Variants in TEAD4 observed in about 807,000 individuals in gnomAD.
The protein encoded by TEAD4 is transcriptional enhancer factor TEF-3.
In TEAD4, 36 loss-of-function variants were observed where a neutral mutation model predicts 52.4. That is an observed-to-expected ratio of 0.69 (90% CI 0.53 to 0.91). The LOEUF is 0.91. TEAD4 is among the 40% of genes least tolerant of loss of function. The probability of loss-of-function intolerance (pLI) is 0.00; values close to 1 mark genes in which losing one functional copy is unlikely to be tolerated. For missense variants in TEAD4, 508 were observed against 583.9 expected, an observed-to-expected ratio of 0.87 and a Z score of 1.34; for synonymous variants, 220 against 231.0, an observed-to-expected ratio of 0.95 and a Z score of 0.43.
At position 2,995,021 on chromosome 12, in the gene TEAD4, A is replaced by G. The variant is rs781717035; in HGVS notation, c.226+29A>G. 4.4e-6 allele frequency: 7 copies of G among 1,600,920 alleles called. No homozygotes were observed. In the African/African-American group the frequency reaches 9.4e-5, roughly 21 times the overall value. On this transcript the variant is annotated intron_variant, in intron 3 of 12. Transcript: ENST00000359864. ...AGGAGCCCGTCGGGTTCAGCCCTGT[A>G]CCTGAGGCTGAGGCAAGGGGCCGAC...
At chr12:2,974,372 G>A (rs2098227707) in intron 2 of TEAD4, among the ~76,000 whole-genome samples, 1 of 152,194 alleles carries the variant, frequency 6.6e-6, no homozygotes, top group South Asian at 2.1e-4. Context: ...AGGCAGGGTG[G>A]CTCTGGGACA....
At chr12:3,011,159 G>T in intron 4 of TEAD4, 91 bp downstream of exon 4, 1 of 1,386,552 alleles carries the variant, frequency 7.2e-7, no homozygotes, top group Non-Finnish European at 1.0e-6. Context: ...AGGACCAGAC[G>T]CAGGCTTTTG....
At chr12:2,979,658 C>T (rs575849612) in intron 2 of TEAD4, among the ~76,000 whole-genome samples, 1 of 152,292 alleles carries the variant, frequency 6.6e-6, no homozygotes, top group Admixed American at 6.5e-5. Context: ...TGTGACTATT[C>T]TGTGATTAAT....
At chr12:3,010,835 A>G (rs937384893) in intron 3 of TEAD4, among the ~76,000 whole-genome samples, 169 bp from the exon 4 acceptor site, 1 of 152,128 alleles carries the variant, frequency 6.6e-6, no homozygotes, top group Non-Finnish European at 1.5e-5. Flanking sequence ...CGCTGCTGGG[A>G]GATCCCTGTG....
rs143442216 is a variant in TEAD4 at position 2,964,718 on chromosome 12, C to T, written c.-30+4678C>T. ...AACTCCCAACCTCAGGTGATCCACC[C>T]GCCTCGGCCTCCCAGAGTGCTGGGA... On this transcript the variant is annotated intron_variant, in intron 2 of 12. Coordinates refer to ENST00000359864, the MANE Select transcript of TEAD4 (RefSeq NM_003213.4). Among the ~76,000 whole-genome samples, 742 of 151,838 alleles carry T rather than the reference C, an allele frequency of 4.9e-3. 6 individuals carry two copies. Among genetic ancestry groups the T allele is most frequent in the African/African-American group, 0.017 (691 of 41,392 alleles).
chr12:2,966,178 T>C (rs1451834740), intron 2 of TEAD4, among the ~76,000 whole-genome samples: 1 of 152,122 alleles, frequency 6.6e-6, no homozygotes, highest in African/African-American at 2.4e-5. Context: ...CTAATGATCT[T>C]CTTGGTACAA....
chr12:2,973,026 T>C (rs748572844), intron 2 of TEAD4, among the ~76,000 whole-genome samples: 1 of 152,194 alleles, frequency 6.6e-6, no homozygotes, highest in Non-Finnish European at 1.5e-5. Flanking sequence ...TGGCATCCCC[T>C]GGCCACGCTG....
intron 2 of TEAD4, among the ~76,000 whole-genome samples, chr12:2,967,587 A>G (rs997493357): frequency 1.2e-4 from 18 of 152,284 alleles, no homozygotes; most frequent in African/African-American, 4.3e-4. Flanking sequence ...GTAAGTCTAG[A>G]ATAGAGTGGG....
In TEAD4 at chr12:2,966,066, A is replaced by G. The variant is rs1469187911; in HGVS notation, c.-30+6026A>G. 2.0e-5 allele frequency among the ~76,000 whole-genome samples: 3 copies of G among 152,068 alleles called. No homozygotes were observed. The South Asian group carries it at 6.2e-4, about 32-fold the overall frequency. ...AACAAAAATATGTGGAGAGTGTGAA[A>G]ATGAAGTGAGATACCTAGTAGCCAA... On this transcript the variant is annotated intron_variant, in intron 2 of 12. Coordinates refer to ENST00000359864, the MANE Select transcript of TEAD4 (RefSeq NM_003213.4).
In TEAD4 at chr12:3,028,089, G is replaced by A. The variant is rs555312937; in HGVS notation, c.897+6072G>A. Among the ~76,000 whole-genome samples, 5 of 152,286 alleles carry A rather than the reference G, an allele frequency of 3.3e-5. No individual in the cohort carries two copies. In the Middle Eastern group the frequency reaches 0.01, roughly 311 times the overall value. ...TTGTATAAAAGGGTTTGTGGAGGAT[G>A]TGGTCTTTTGTGACTGGCTTCTTGA... On this transcript the variant is annotated intron_variant, in intron 10 of 12. Coordinates refer to ENST00000359864, the MANE Select transcript of TEAD4 (RefSeq NM_003213.4).
At chr12:3,033,329 A>C (rs1405422109) in intron 10 of TEAD4, among the ~76,000 whole-genome samples, 1 of 152,192 alleles carries the variant, frequency 6.6e-6, no homozygotes, top group African/African-American at 2.4e-5. Flanking sequence ...GCACAGCCTC[A>C]GCCCTATCTG....
At position 2,980,281 on chromosome 12, in the gene TEAD4, C is replaced by T. The variant is rs897778459; in HGVS notation, c.-29-14457C>T. 9.2e-5 allele frequency among the ~76,000 whole-genome samples: 14 copies of T among 152,138 alleles called. 1 individual carries two copies. The highest frequency in any genetic ancestry group is 5.2e-4 in the Admixed American group (8 of 15,258). ...CGTAGGAACAGTGGGGTCCATGCAA[C>T]GAAAGAGACCAAGAGGTCTTCGTGT... is the stretch of plus-strand genomic sequence containing the variant. On this transcript the variant is annotated intron_variant, in intron 2 of 12. Transcript: ENST00000359864.
chr12:3,021,778 A>T (rs1213868402), intron 9 of TEAD4, 66 bp from the exon 10 acceptor site: 2 of 1,562,310 alleles, frequency 1.3e-6, no homozygotes. Flanking sequence ...GGGCACGCAG[A>T]GCCAGGGTTG....
At chr12:3,005,715 G>A (rs546017227) in intron 3 of TEAD4, among the ~76,000 whole-genome samples, 1 of 152,170 alleles carries the variant, frequency 6.6e-6, no homozygotes, top group South Asian at 2.1e-4. Context: ...TAGCCAAGAT[G>A]GTCTCAATCT....
At chr12:3,000,445 G>A (rs1019646086) in intron 3 of TEAD4, among the ~76,000 whole-genome samples, 1 of 152,228 alleles carries the variant, frequency 6.6e-6, no homozygotes. Context: ...CGAAGGGGCC[G>A]AGTGTGCTTG....
chr12:2,964,558 A>G (rs1322791507), intron 2 of TEAD4, among the ~76,000 whole-genome samples: 5 of 151,388 alleles, frequency 3.3e-5, no homozygotes, highest in African/African-American at 1.2e-4. Context: ...CCTGGATTCA[A>G]GCGATTCTCC....
At chr12:2,981,185 C>T (rs1053264090) in intron 2 of TEAD4, among the ~76,000 whole-genome samples, 1 of 152,212 alleles carries the variant, frequency 6.6e-6, no homozygotes, top group African/African-American at 2.4e-5. Context: ...ACACTCAGCC[C>T]TCCCACAAGT....
chr12:2,979,312 T>A (rs1459972212), intron 2 of TEAD4, among the ~76,000 whole-genome samples: 1 of 152,252 alleles, frequency 6.6e-6, no homozygotes, highest in Non-Finnish European at 1.5e-5. Context: ...CTGCTTCCCC[T>A]TTTGACTATC....
intron 5 of TEAD4, among the ~76,000 whole-genome samples, 196 bp downstream of exon 5, chr12:3,012,428 C>T (rs1292537446): frequency 1.3e-5 from 2 of 152,184 alleles, no homozygotes; most frequent in African/African-American, 4.8e-5. Flanking sequence ...TGGCTCCCCA[C>T]ACCCTGGGAG....
Sources: allele counts gnomAD v4.1 joint callset (sites outside exome capture counted in the v4.1 genomes callset), GRCh38; gene constraint gnomAD v4.1.1; transcripts MANE v1.5; gene names NCBI Gene and HGNC (gene_info 2026-07-23, HGNC 2026-07-21).